The following GRIK4 variants were observed in gnomAD, a reference collection of about 807,000 sequenced individuals.
GRIK4 encodes glutamate receptor ionotropic, kainate 4.
In GRIK4, 40 loss-of-function variants were observed where a neutral mutation model predicts 104.9. The observed-to-expected ratio is 0.38, with a 90% CI of 0.30 to 0.50. The LOEUF (loss-of-function observed/expected upper bound fraction) is 0.50. GRIK4 is among the 20% of genes least tolerant of loss of function. GRIK4 has a pLI of 0.93. For synonymous variants in GRIK4, 485 were observed against 524.9 expected (o/e 0.92, Z 1.04); for missense variants, 1,047 against 1,308.1 (o/e 0.80, Z 3.08).
At chr11:120,616,050 C>A (rs568371913) in intron 1 of GRIK4, among the ~76,000 whole-genome samples, 1 of 152,076 alleles carries the variant, frequency 6.6e-6, no homozygotes, top group African/African-American at 2.4e-5. Context: ...AGGTCAAGCA[C>A]CCGGGATCCA....
At chr11:120,644,247 A>C (rs1034852883) in intron 1 of GRIK4, among the ~76,000 whole-genome samples, 2 of 152,196 alleles carry the variant, frequency 1.3e-5, no homozygotes, top group Non-Finnish European at 2.9e-5. Flanking sequence ...TGAATGAAAG[A>C]GCAGTGAGGA....
chr11:120,780,392 C>G (rs1190262306), intron 3 of GRIK4, among the ~76,000 whole-genome samples: 1 of 152,176 alleles, frequency 6.6e-6, no homozygotes, highest in Non-Finnish European at 1.5e-5. Flanking sequence ...CAGTCTTTGT[C>G]TTTTTGTGTC....
intron 3 of GRIK4, among the ~76,000 whole-genome samples, chr11:120,746,188 A>AT (rs1177323272): frequency 6.6e-6 from 1 of 152,220 alleles, no homozygotes; most frequent in Non-Finnish European, 1.5e-5. Flanking sequence ...TGACCAAAGT[A>AT]TTCCTTCCCT....
intron 3 of GRIK4, among the ~76,000 whole-genome samples, chr11:120,696,211 C>G (rs1386963276): frequency 1.3e-5 from 2 of 152,170 alleles, no homozygotes; most frequent in Non-Finnish European, 1.5e-5. Flanking sequence ...CCTGGGAGTG[C>G]AGAGCGAGAG....
intron 18 of GRIK4, among the ~76,000 whole-genome samples, chr11:120,966,923 C>T (rs998392980): frequency 8.5e-5 from 13 of 152,146 alleles, no homozygotes; most frequent in Non-Finnish European, 1.5e-4. Flanking sequence ...GGTGTTTGGC[C>T]ATGGGCTGGA....
chr11:120,702,103 A>G (rs564241371), intron 3 of GRIK4, among the ~76,000 whole-genome samples: 7 of 151,870 alleles, frequency 4.6e-5, no homozygotes, highest in Non-Finnish European at 1.0e-4. Flanking sequence ...CTACAGGTGC[A>G]CGCCACCACG....
At chr11:120,579,042 T>TG (rs1948527107) in intron 1 of GRIK4, among the ~76,000 whole-genome samples, 1 of 152,192 alleles carries the variant, frequency 6.6e-6, no homozygotes, top group South Asian at 2.1e-4. Flanking sequence ...CAGGAAGGCT[T>TG]GGAGGCATAC....
intron 1 of GRIK4, among the ~76,000 whole-genome samples, chr11:120,560,800 A>C (rs1364988289): frequency 6.6e-6 from 1 of 152,230 alleles, no homozygotes; most frequent in East Asian, 1.9e-4. Flanking sequence ...CATAATAAGC[A>C]TTCAGTGATG....
intron 1 of GRIK4, among the ~76,000 whole-genome samples, chr11:120,611,522 A>G (rs1949037750): frequency 1.3e-5 from 2 of 152,202 alleles, no homozygotes; most frequent in Admixed American, 6.5e-5. Flanking sequence ...ATGGTGTATC[A>G]TAATTGTTAC....
intron 8 of GRIK4, among the ~76,000 whole-genome samples, chr11:120,839,061 T>C (rs1255672859): frequency 3.9e-5 from 6 of 152,310 alleles, no homozygotes; most frequent in African/African-American, 9.6e-5. Context: ...AGGCTGGGAT[T>C]ACAGGTGTGA....
intron 13 of GRIK4, among the ~76,000 whole-genome samples, chr11:120,929,000 CGCGTGTATGTGTGTGTGCGCACAT>C (rs1943420072): frequency 7.0e-6 from 1 of 143,818 alleles, no homozygotes; most frequent in Non-Finnish European, 1.5e-5. Context: ...CGCGCGTGCA[CGCGTGTATGTGTGTGTGCGCACAT>C]GTGTGTGTGT....
chr11:120,883,982 A>G (rs980708174), intron 11 of GRIK4, among the ~76,000 whole-genome samples: 2 of 152,188 alleles, frequency 1.3e-5, no homozygotes, highest in African/African-American at 4.8e-5. Context: ...CACCGGCCAG[A>G]GGTGTGGGGT....
intron 11 of GRIK4, among the ~76,000 whole-genome samples, chr11:120,891,640 T>G (rs553706906): frequency 6.6e-6 from 1 of 152,220 alleles, no homozygotes; most frequent in Non-Finnish European, 1.5e-5. Flanking sequence ...TGTGCCAGGC[T>G]CTAGGGATAA....
At chr11:120,593,962 C>T (rs1461040777) in intron 1 of GRIK4, among the ~76,000 whole-genome samples, 4 of 152,160 alleles carry the variant, frequency 2.6e-5, no homozygotes, top group Non-Finnish European at 5.9e-5. Context: ...TTATACCCTT[C>T]TCTCTCTCCA....
Position 120,956,811 on chromosome 11 carries a change from C to T in GRIK4, c.1732C>T (p.Pro578Ser), listed in dbSNP as rs549334404. ...GCCCTACGAGTGGTACAGCCCACAC[C>T]CATGTGCCCAGGGCCGGTGCAACCT... The part of the protein sequence containing the change: ...LTPYEWYSPH[P>S]CAQGRCNLLV... The change falls in exon 16 of 21, where the codon CCA becomes TCA. Residue 578 changes from proline (P) to serine (S), a missense_variant. Around this residue, in one of 3 missense-constraint regions of GRIK4, gnomAD observed 440 missense variants for 652.3 expected, o/e 0.67. Coordinates refer to ENST00000527524, the MANE Select transcript of GRIK4 (RefSeq NM_014619.5). This position sits in a 1 kb window ranked among gnomAD's most constrained non-coding sequence, Gnocchi z 4.6. The T allele has an allele frequency of 6.2e-7, 1 of 1,613,076 alleles. No individual in the cohort carries two copies. Among genetic ancestry groups the T allele is most frequent in the Admixed American group, 1.7e-5 (1 of 59,944 alleles).
chr11:120,533,655 A>G (rs1947943952), intron 1 of GRIK4, among the ~76,000 whole-genome samples: 2 of 152,338 alleles, frequency 1.3e-5, no homozygotes, highest in African/African-American at 4.8e-5. Flanking sequence ...AGGTGAGTGG[A>G]TCACTTGAGG....
rs117165235 is a variant in GRIK4 at position 120,686,534 on chromosome 11, A to C, written c.82+26134A>C. On this transcript the variant is annotated intron_variant, in intron 3 of 20. Transcript: ENST00000527524. ...GCCTCACACAGTGCCTGTGTACCAT[A>C]CCAGGGAAGCTCACAAGTCCTGCTG... 7.9e-5 allele frequency among the ~76,000 whole-genome samples: 12 copies of C among 152,304 alleles called. No individual in the cohort carries two copies. The East Asian group carries it at 2.3e-3, about 29-fold the overall frequency.
intron 19 of GRIK4, among the ~76,000 whole-genome samples, chr11:120,968,107 T>C (rs941770133): frequency 2.0e-4 from 31 of 152,204 alleles, no homozygotes; most frequent in African/African-American, 7.5e-4. Flanking sequence ...ATGTGGATAT[T>C]TTATCGAAAG....
chr11:120,884,633 G>A (rs538114801), intron 11 of GRIK4, among the ~76,000 whole-genome samples: 2,142 of 152,338 alleles, frequency 0.014, 54 homozygotes, highest in African/African-American at 0.048. Flanking sequence ...CCACTTGGCA[G>A]TGGCTCTGGT....
Sources: gnomAD v4.1 joint callset for allele counts (sites outside exome capture counted in the v4.1 genomes callset) on GRCh38, gnomAD v4.1.1 for gene constraint, gnomAD v4.1.1 regional missense constraint, Gnocchi (gnomAD v3.1) non-coding constraint, MANE v1.5 for transcripts, NCBI Gene and HGNC (gene_info 2026-07-23, HGNC 2026-07-21) for gene names.